NUP160: variants seen among roughly 807,000 people sequenced by gnomAD.
The protein encoded by NUP160 is nuclear pore complex protein Nup160.
Under a neutral mutation model 196.9 loss-of-function variants are expected in NUP160, and 94 were observed. The observed-to-expected ratio is 0.48, with a 90% CI of 0.40 to 0.57. The LOEUF (loss-of-function observed/expected upper bound fraction) is 0.57, where lower values mean the gene tolerates loss of function less well. Among genes scored for constraint, NUP160 ranks in the 20% least tolerant of loss-of-function variants. NUP160 has a pLI of 0.00. For synonymous variants in NUP160, 605 were observed against 619.7 expected, an observed-to-expected ratio of 0.98 and a Z score of 0.35; for missense variants, 1,638 against 1,748.3, an observed-to-expected ratio of 0.94 and a Z score of 1.13.
chr11:47,835,619 AT>A, intron 7 of NUP160, 31 bp downstream of exon 7: 1 of 1,518,802 alleles, frequency 6.6e-7, no homozygotes, highest in Non-Finnish European at 8.8e-7. Flanking sequence ...TACACACAGA[AT>A]AACTTGGTAT....
At chr11:47,807,113 T>G (rs1200272656) in exon 19 of NUP160, 1 of 1,611,564 alleles carries the variant, frequency 6.2e-7, no homozygotes, top group Non-Finnish European at 8.5e-7. Flanking sequence ...TTAATTCCAG[T>G]ACTGATAAGT....
chr11:47,812,790 G>T, intron 15 of NUP160, 92 bp downstream of exon 15: 1 of 1,024,482 alleles, frequency 9.8e-7, no homozygotes, highest in Non-Finnish European at 1.4e-6. Context: ...CTACTATTCT[G>T]TACGCTCTGG....
intron 22 of NUP160, among the ~76,000 whole-genome samples, 158 bp downstream of exon 22, chr11:47,803,280 A>G (rs1169008830): frequency 1.3e-5 from 2 of 151,910 alleles, no homozygotes; most frequent in Non-Finnish European, 2.9e-5. Flanking sequence ...TAGTCCTTAC[A>G]TGTATATAAT....
At chr11:47,845,908 G>A (rs140942907) in intron 2 of NUP160, among the ~76,000 whole-genome samples, 1 of 152,134 alleles carries the variant, frequency 6.6e-6, no homozygotes, top group African/African-American at 2.4e-5. Context: ...CGAGAACGGG[G>A]CACTGCTTGA....
chr11:47,804,835 A>G (rs1267166723), intron 20 of NUP160, among the ~76,000 whole-genome samples: 1 of 152,020 alleles, frequency 6.6e-6, no homozygotes, highest in Non-Finnish European at 1.5e-5. Flanking sequence ...TCAGATAACT[A>G]TGGAATAAAG....
intron 7 of NUP160, among the ~76,000 whole-genome samples, chr11:47,831,384 G>A (rs1852069979): frequency 6.6e-6 from 1 of 152,076 alleles, no homozygotes; most frequent in South Asian, 2.1e-4. Flanking sequence ...TATAGCAGCA[G>A]TATTCATAAT....
intron 12 of NUP160, 32 bp downstream of exon 12, chr11:47,815,914 G>T (rs78447172): frequency 2.6e-6 from 4 of 1,526,408 alleles, no homozygotes; most frequent in Admixed American, 1.7e-5. Flanking sequence ...AAGATGGAAG[G>T]AATTCTTATT....
chr11:47,840,183 T>C (rs994753408), intron 3 of NUP160, 118 bp from the exon 4 acceptor site: 22 of 873,618 alleles, frequency 2.5e-5, no homozygotes, highest in Non-Finnish European at 3.6e-5. Context: ...AAGAAAGCTA[T>C]TCTTCTTAAT....
intron 33 of NUP160, among the ~76,000 whole-genome samples, chr11:47,783,827 G>A (rs1260339322): frequency 1.3e-5 from 2 of 152,002 alleles, no homozygotes; most frequent in African/African-American, 4.8e-5. Context: ...CAGAGTAGCT[G>A]AGATTACAGG....
intron 35 of NUP160, 115 bp downstream of exon 35, chr11:47,780,228 C>T: frequency 2.7e-6 from 2 of 732,370 alleles, no homozygotes; most frequent in Admixed American, 2.3e-5. Context: ...TGTTAAGGGC[C>T]AAAAATAGGC....
At position 47,810,258 on chromosome 11, in the gene NUP160, C is replaced by T. The variant is rs754902843; in HGVS notation, c.2242-1729G>A. ...TGTCATGCAGGCAGAAGTGCAATGG[C>T]GCAATCACAGCTCACTGCAGCCTCA... On this transcript the variant is annotated intron_variant, in intron 17 of 35. Transcript: ENST00000378460. Among the ~76,000 whole-genome samples the T allele has an allele frequency of 6.7e-4, 102 of 151,736 alleles. 2 individuals are homozygous for T. Among genetic ancestry groups the T allele is most frequent in the Non-Finnish European group, 2.5e-4 (17 of 67,970 alleles).
intron 32 of NUP160, 38 bp from the exon 33 acceptor site, chr11:47,785,101 C>CATTTTTTTTTTTTTT: frequency 1.8e-6 from 2 of 1,107,974 alleles, no homozygotes; most frequent in Non-Finnish European, 2.5e-6. Flanking sequence ...GTTTCAGATT[C>CATTTTTTTTTTTTTT]TTAATAGCTA....
intron 34 of NUP160, 45 bp downstream of exon 34, chr11:47,783,027 CG>C: frequency 2.0e-6 from 3 of 1,530,836 alleles, no homozygotes; most frequent in African/African-American, 1.4e-5. Context: ...GTTGAAAAAT[CG>C]TAAGTCAAAC....
intron 7 of NUP160, among the ~76,000 whole-genome samples, chr11:47,834,358 C>T (rs1248913964): frequency 6.6e-6 from 1 of 152,082 alleles, no homozygotes; most frequent in Non-Finnish European, 1.5e-5. Context: ...CCACCCACAA[C>T]CTACATGCAG....
At chr11:47,822,536 G>T (rs754227124) in intron 7 of NUP160, among the ~76,000 whole-genome samples, 1 of 151,124 alleles carries the variant, frequency 6.6e-6, no homozygotes, top group Non-Finnish European at 1.5e-5. Context: ...GATTACAGGC[G>T]TGAGCCACTG....
exon 20 of NUP160, chr11:47,806,197 C>A (rs2097677508): frequency 6.2e-7 from 1 of 1,614,062 alleles, no homozygotes; most frequent in Non-Finnish European, 8.5e-7. Context: ...TCATTTCAGG[C>A]CAATTCAATC....
At chr11:47,813,790 G>A (rs1354564666) in intron 13 of NUP160, among the ~76,000 whole-genome samples, 3 of 151,620 alleles carry the variant, frequency 2.0e-5, no homozygotes, top group Non-Finnish European at 4.4e-5. Flanking sequence ...AGTGCCACTG[G>A]GCCGGGCGCA....
chr11:47,840,736 C>T (rs570793580), intron 2 of NUP160, 148 bp from the exon 3 acceptor site: 2 of 558,324 alleles, frequency 3.6e-6, no homozygotes, highest in African/African-American at 1.9e-5. Context: ...TGCCAAATCA[C>T]ATTATGTACA....
intron 2 of NUP160, among the ~76,000 whole-genome samples, chr11:47,847,525 G>C (rs1852421142): frequency 6.6e-6 from 1 of 151,916 alleles, no homozygotes; most frequent in African/African-American, 2.4e-5. Context: ...GTACAATGAA[G>C]GAAGCTGTAA....
Sources: allele counts gnomAD v4.1 joint callset (sites outside exome capture counted in the v4.1 genomes callset), GRCh38; gene constraint gnomAD v4.1.1; transcripts MANE v1.5; gene names NCBI Gene and HGNC (gene_info 2026-07-23, HGNC 2026-07-21).